The following KYNU variants were observed in gnomAD, a reference collection of about 807,000 sequenced individuals.
The protein encoded by KYNU is kynureninase, also known as L-kynurenine hydrolase.
KYNU carries 54 observed loss-of-function variants against 59.2 expected under a neutral mutation model. That is an observed-to-expected ratio of 0.91 (90% confidence interval 0.73 to 1.14). The LOEUF (loss-of-function observed/expected upper bound fraction) is 1.14, where lower values mean the gene tolerates loss of function less well. Ranked by LOEUF, KYNU falls within the 50% of genes most tolerant of loss-of-function variation. The pLI is 0.00. For missense variants in KYNU, 567 were observed against 554.4 expected (o/e 1.02, Z -0.23); for synonymous variants, 177 against 192.0 (o/e 0.92, Z 0.65).
chr2:143,018,023 A>G (rs1363887087), intron 10 of KYNU, among the ~76,000 whole-genome samples: 2 of 152,064 alleles, frequency 1.3e-5, no homozygotes, highest in African/African-American at 2.4e-5. Context: ...TAAGTTCCCT[A>G]TAGATTCTGG....
chr2:143,014,887 T>C lies in KYNU; in HGVS notation c.903-14740T>C, dbSNP rs1298967609. ...AGATTTAAAACTCATCAGGTGTTTG[T>C]TTATTTGTTTTTTGGGTTCGTTTAG... On this transcript the variant is annotated intron_variant, in intron 10 of 13. Coordinates refer to ENST00000264170, the MANE Select transcript of KYNU (RefSeq NM_003937.3). 4.6e-5 allele frequency among the ~76,000 whole-genome samples: 7 copies of C among 152,166 alleles called. No homozygotes were observed. The East Asian group carries it at 1.4e-3, about 29-fold the overall frequency.
At chr2:142,919,681 T>A (rs535069331) in intron 3 of KYNU, among the ~76,000 whole-genome samples, 2 of 152,274 alleles carry the variant, frequency 1.3e-5, no homozygotes, top group South Asian at 4.1e-4. Flanking sequence ...TGCCTGTAAT[T>A]GCAGCACTTT....
chr2:143,032,704 C>G (rs1417348745), intron 11 of KYNU, among the ~76,000 whole-genome samples: 1 of 9,186 alleles, frequency 1.1e-4, no homozygotes, highest in Non-Finnish European at 3.8e-4. Context: ...TTTTAAAGCT[C>G]CCTCTATTGT....
chr2:142,972,492 C>T (rs971541961), intron 8 of KYNU, among the ~76,000 whole-genome samples: 2 of 152,032 alleles, frequency 1.3e-5, no homozygotes, highest in African/African-American at 2.4e-5. Context: ...AATAATGCTT[C>T]GTAAAAATGT....
chr2:143,005,963 G>A (rs1010063242), intron 10 of KYNU, among the ~76,000 whole-genome samples: 4 of 152,170 alleles, frequency 2.6e-5, no homozygotes, highest in Admixed American at 2.0e-4. Context: ...CACTGAAGCT[G>A]TAAGTAGAGT....
chr2:142,973,745 A>G (rs1485284120), intron 8 of KYNU, among the ~76,000 whole-genome samples: 3 of 152,320 alleles, frequency 2.0e-5, no homozygotes, highest in African/African-American at 7.2e-5. Context: ...CAGATGTATA[A>G]TGACCTCTCA....
intron 8 of KYNU, among the ~76,000 whole-genome samples, chr2:142,970,557 T>C (rs1440634723): frequency 6.6e-6 from 1 of 152,190 alleles, no homozygotes; most frequent in African/African-American, 2.4e-5. Flanking sequence ...AAATACTTGC[T>C]TCAAATCCAC....
intron 2 of KYNU, among the ~76,000 whole-genome samples, chr2:142,914,984 G>T (rs1235910735): frequency 6.6e-6 from 1 of 152,128 alleles, no homozygotes; most frequent in Non-Finnish European, 1.5e-5. Flanking sequence ...AACATTTCTG[G>T]AGCTGCTTTA....
chr2:142,994,474 C>T (rs1685483928), intron 10 of KYNU, among the ~76,000 whole-genome samples: 1 of 152,098 alleles, frequency 6.6e-6, no homozygotes, highest in African/African-American at 2.4e-5. Context: ...TCATGACCAA[C>T]TCATGTATAG....
chr2:142,902,633 G>A (rs1305537039), intron 2 of KYNU, among the ~76,000 whole-genome samples: 2 of 152,170 alleles, frequency 1.3e-5, no homozygotes, highest in African/African-American at 4.8e-5. Context: ...TATTTAACCT[G>A]CTGTAAGCAG....
In KYNU at chr2:143,053,103, C is replaced by T. The variant is rs1360335530; in HGVS notation, c.*10931C>T. 6.6e-6 allele frequency: 1 copy of T among 152,310 alleles called. No homozygotes were observed. The highest frequency in any genetic ancestry group is 2.1e-4 in the South Asian group (1 of 4,836). 9.4% of individuals were successfully genotyped at this position (152,310 alleles called of 1,614,324 possible). A position where few individuals can be genotyped will look rare whatever the true frequency, so the allele number is the denominator to read the frequency against. Reference sequence around the variant, plus strand: ...TTTGACTGCCCCACTGGATTTCAGACTTTCATGGGGCCTGTAGCCCCTTCG... The same window carrying T: ...TTTGACTGCCCCACTGGATTTCAGATTTTCATGGGGCCTGTAGCCCCTTCG... On this transcript the variant is annotated 3_prime_UTR_variant, in exon 14 of 14. Transcript: ENST00000264170.
intron 4 of KYNU, among the ~76,000 whole-genome samples, chr2:142,934,600 G>A (rs941370070): frequency 6.6e-6 from 1 of 152,142 alleles, no homozygotes; most frequent in Non-Finnish European, 1.5e-5. Context: ...GGAGAACTCA[G>A]TGGGTCCTGA....
intron 10 of KYNU, among the ~76,000 whole-genome samples, chr2:143,027,937 C>A (rs1433161754): frequency 2.0e-5 from 3 of 151,920 alleles, no homozygotes; most frequent in African/African-American, 7.2e-5. Context: ...GCAATATTAT[C>A]ATATAAAGCA....
chr2:142,903,601 C>T (rs1189602929), intron 2 of KYNU, among the ~76,000 whole-genome samples: 1 of 152,020 alleles, frequency 6.6e-6, no homozygotes, highest in Non-Finnish European at 1.5e-5. Context: ...ACGCCAGTGT[C>T]CAGGAGACAG....
chr2:142,990,551 G>A (rs1404285610), intron 10 of KYNU, among the ~76,000 whole-genome samples: 1 of 151,746 alleles, frequency 6.6e-6, no homozygotes, highest in East Asian at 1.9e-4. Context: ...TGGATAATAT[G>A]AGGTATTACA....
rs557333317 is a variant in KYNU at position 143,015,085 on chromosome 2, C to A, written c.903-14542C>A. ...TTTTTTTGTTTTTTAAGAGACAGAT[C>A]TTCCTATGTTGTGGAGGCCAGTCTC... On this transcript the variant is annotated intron_variant, in intron 10 of 13. Transcript: ENST00000264170. 7.9e-5 allele frequency among the ~76,000 whole-genome samples: 12 copies of A among 152,168 alleles called. No individual in the cohort carries two copies. The South Asian group carries it at 2.5e-3, about 32-fold the overall frequency.
chr2:142,994,064 C>A (rs1485976806), intron 10 of KYNU, among the ~76,000 whole-genome samples: 9 of 151,982 alleles, frequency 5.9e-5, no homozygotes. Context: ...CTAAAGTAAC[C>A]TTTGAAATCT....
intron 10 of KYNU, among the ~76,000 whole-genome samples, chr2:143,026,353 G>A (rs940800915): frequency 1.3e-5 from 2 of 152,240 alleles, no homozygotes; most frequent in African/African-American, 4.8e-5. Flanking sequence ...ATTGTATTGT[G>A]TTAATTGTCC....
intron 8 of KYNU, among the ~76,000 whole-genome samples, chr2:142,967,080 A>C (rs1297897191): frequency 2.6e-5 from 4 of 152,216 alleles, no homozygotes; most frequent in Admixed American, 2.6e-4. Context: ...AAATTTTAAT[A>C]GTCTTATTTT....
Sources: gnomAD v4.1 joint callset for allele counts (sites outside exome capture counted in the v4.1 genomes callset) on GRCh38, gnomAD v4.1.1 for gene constraint, MANE v1.5 for transcripts, NCBI Gene and HGNC (gene_info 2026-07-23, HGNC 2026-07-21) for gene names.